ITPR2: variants seen among roughly 807,000 people sequenced by gnomAD.
ITPR2 encodes the protein inositol 1,4,5-trisphosphate-gated calcium channel ITPR2.
A neutral mutation model predicts 317.1 loss-of-function variants in ITPR2; 207 were observed. The observed-to-expected ratio is 0.65, with a 90% CI of 0.58 to 0.73. The LOEUF (loss-of-function observed/expected upper bound fraction) is 0.73. Ranked by LOEUF, ITPR2 falls within the 30% of genes least tolerant of loss-of-function variation. The pLI is 0.00. For synonymous variants in ITPR2, 1,156 were observed against 1,149.1 expected (o/e 1.01, Z -0.12); for missense variants, 2,613 against 3,284.0 (o/e 0.80, Z 4.99).
At chr12:26,562,481 C>G in intron 34 of ITPR2, among the ~76,000 whole-genome samples, 1 of 152,148 alleles carries the variant, frequency 6.6e-6, no homozygotes, top group Non-Finnish European at 1.5e-5. Context: ...TATATTTTAA[C>G]AAGTTTACAT....
In ITPR2 at chr12:26,459,552, G is replaced by A. The variant is rs117489259; in HGVS notation, c.6342+15744C>T. Among the ~76,000 whole-genome samples the A allele has an allele frequency of 5.4e-4, 83 of 152,306 alleles. No individual in the cohort carries two copies. The East Asian group carries it at 0.015, about 27-fold the overall frequency. The stretch of plus-strand genomic sequence containing the variant: ...TGGGTCTGGTTTACAGCTGCACCTC[G>A]TTTATTGAGTTCTTGAGGGCCTTTG... On this transcript the variant is annotated intron_variant, in intron 45 of 56. Coordinates refer to ENST00000381340, the MANE Select transcript of ITPR2 (RefSeq NM_002223.4).
At chr12:26,373,920 G>A (rs539333113) in intron 55 of ITPR2, among the ~76,000 whole-genome samples, 1 of 152,310 alleles carries the variant, frequency 6.6e-6, no homozygotes, top group African/African-American at 2.4e-5. Flanking sequence ...TAACCTAGAA[G>A]CAGGCAGAGC....
intron 55 of ITPR2, among the ~76,000 whole-genome samples, chr12:26,372,297 A>G (rs550125283): frequency 1.3e-4 from 20 of 152,374 alleles, no homozygotes; most frequent in African/African-American, 4.1e-4. Flanking sequence ...CATGGTAGGC[A>G]CTAAGCAAAA....
intron 21 of ITPR2, among the ~76,000 whole-genome samples, chr12:26,647,529 A>G (rs1020095950): frequency 6.6e-6 from 1 of 152,252 alleles, no homozygotes; most frequent in African/African-American, 2.4e-5. Flanking sequence ...TTTGCAAAGA[A>G]TATGGAAAAT....
chr12:26,361,696 C>T (rs1291717886), intron 55 of ITPR2, among the ~76,000 whole-genome samples: 1 of 152,134 alleles, frequency 6.6e-6, no homozygotes, highest in Admixed American at 6.5e-5. Context: ...GAATAATCAC[C>T]AGATTTCTTT....
chr12:26,568,345 T>C (rs1048106228), intron 34 of ITPR2, among the ~76,000 whole-genome samples: 7 of 152,040 alleles, frequency 4.6e-5, no homozygotes, highest in Non-Finnish European at 1.0e-4. Flanking sequence ...TTGTTATCAA[T>C]GCATTTATCT....
intron 2 of ITPR2, among the ~76,000 whole-genome samples, chr12:26,740,258 G>A (rs1949206283): frequency 6.6e-6 from 1 of 152,182 alleles, no homozygotes; most frequent in Non-Finnish European, 1.5e-5. Context: ...AAAAATACTT[G>A]AGGGTCCCAA....
At chr12:26,518,027 C>A (rs1336471537) in intron 37 of ITPR2, among the ~76,000 whole-genome samples, 1 of 152,108 alleles carries the variant, frequency 6.6e-6, no homozygotes, top group African/African-American at 2.4e-5. Flanking sequence ...TGGGTATATG[C>A]CCAAAGGAAT....
chr12:26,673,244 A>G (rs1216509299), intron 13 of ITPR2, among the ~76,000 whole-genome samples: 2 of 152,126 alleles, frequency 1.3e-5, no homozygotes, highest in East Asian at 3.8e-4. Context: ...ACAACCAAAA[A>G]AGAGAATTTT....
At chr12:26,712,324 G>A (rs1948659971) in intron 8 of ITPR2, among the ~76,000 whole-genome samples, 1 of 152,074 alleles carries the variant, frequency 6.6e-6, no homozygotes, top group African/African-American at 2.4e-5. Context: ...CTGCAACCAC[G>A]AATTCTGTGT....
chr12:26,434,032 C>T (rs746807168), intron 48 of ITPR2, among the ~76,000 whole-genome samples: 10 of 151,942 alleles, frequency 6.6e-5, no homozygotes, highest in Admixed American at 2.0e-4. Context: ...TAATATCATG[C>T]TTATTATAGA....
intron 13 of ITPR2, among the ~76,000 whole-genome samples, chr12:26,669,424 A>G (rs1023638933): frequency 1.3e-5 from 2 of 152,244 alleles, no homozygotes; most frequent in African/African-American, 4.8e-5. Context: ...GAAGGCAGAA[A>G]TAAGTATTCA....
At chr12:26,391,551 TTTTCC>T (rs1275795334) in intron 54 of ITPR2, among the ~76,000 whole-genome samples, 171 of 60,494 alleles carry the variant, frequency 2.8e-3, no homozygotes, top group Non-Finnish European at 4.4e-3. Context: ...CTTCTTCTTC[TTTTCC>T]TTTTTTTTTT....
At chr12:26,659,766 GA>G (rs1334225096) in intron 15 of ITPR2, among the ~76,000 whole-genome samples, 4 of 152,170 alleles carry the variant, frequency 2.6e-5, no homozygotes, top group Non-Finnish European at 5.9e-5. Context: ...TTATAGAAAA[GA>G]AAATGACTGC....
Position 26,656,304 on chromosome 12 carries a change from T to C in ITPR2, c.2437A>G (p.Ile813Val), listed in dbSNP as rs781278375. The C allele has an allele frequency of 2.5e-6, 4 of 1,614,018 alleles. No individual in the cohort carries two copies. The highest frequency in any genetic ancestry group is 2.7e-5 in the African/African-American group (2 of 74,926). ...LWTEIPTKIT[I>V]HEYDSITDSS... is the part of the protein sequence containing the mutation. ...ACCTTTTTCCAAACATACTCATGAA[T>C]TGTGATCTTTGTGGGGATTTCTGTC... Residue 813 changes from isoleucine to valine, a missense_variant, in exon 19 of 57, where the codon ATT becomes GTT. By Grantham distance (29) the Ile-to-Val change is conservative. This residue lies in a region of ITPR2 where 817 missense variants were observed against 897.6 expected (regional missense o/e 0.91). Transcript: ENST00000381340.
At chr12:26,434,328 G>T (rs944810540) in intron 48 of ITPR2, among the ~76,000 whole-genome samples, 3 of 152,140 alleles carry the variant, frequency 2.0e-5, no homozygotes, top group African/African-American at 7.2e-5. Context: ...TTAGCATTTT[G>T]CCTGACCCAA....
At position 26,815,876 on chromosome 12, in the gene ITPR2, G is replaced by A. The variant is rs550031545; in HGVS notation, c.92+16814C>T. On this transcript the variant is annotated intron_variant, in intron 1 of 56. Coordinates refer to ENST00000381340, the MANE Select transcript of ITPR2 (RefSeq NM_002223.4). The stretch of plus-strand genomic sequence containing the variant: ...TGGGAGGCTGAGGCAGGTGGATCAC[G>A]AGGTCAGGAGATCGAGACCATCCTG... 4.6e-4 allele frequency among the ~76,000 whole-genome samples: 70 copies of A among 152,104 alleles called. 1 individual carries two copies. Among genetic ancestry groups the A allele is most frequent in the African/African-American group, 1.7e-3 (69 of 41,498 alleles).
chr12:26,486,179 A>G lies in ITPR2; in HGVS notation c.5736T>C (p.Ser1912=), dbSNP rs556245164. Residue 1912 remains serine, a synonymous_variant, in exon 41 of 57, where the codon AGT becomes AGC. Transcript: ENST00000381340. ...TTGGCTGCATGATGGCAATTGCGGG[A>G]CTCATTGTTACTTCCTCTGCGGATT... ...EEKSAEEVTM[S]PAIAIMQPIL... The G allele has an allele frequency of 6.2e-6, 10 of 1,614,046 alleles. No individual in the cohort carries two copies. In the East Asian group the frequency reaches 1.6e-4, roughly 25 times the overall value.
At chr12:26,772,333 CACA>C (rs1208317276) in intron 2 of ITPR2, among the ~76,000 whole-genome samples, 2 of 149,318 alleles carry the variant, frequency 1.3e-5, no homozygotes, top group Non-Finnish European at 3.0e-5. Context: ...TTCATCCTCC[CACA>C]ACATGTCACC....
Sources: allele counts gnomAD v4.1 joint callset (sites outside exome capture counted in the v4.1 genomes callset), GRCh38; gene constraint gnomAD v4.1.1; regional missense constraint gnomAD v4.1.1; transcripts MANE v1.5; gene names NCBI Gene and HGNC (gene_info 2026-07-23, HGNC 2026-07-21).